The following GPALPP1 variants were observed in gnomAD, a reference collection of about 807,000 sequenced individuals.
GPALPP1 encodes the protein GPALPP motifs-containing protein 1.
GPALPP1 carries 30 observed loss-of-function variants against 38.9 expected under a neutral mutation model. The ratio of observed to expected loss-of-function variants is 0.77; its 90% CI spans 0.58 to 1.05. GPALPP1 has a LOEUF of 1.05. GPALPP1 is among the 50% of genes least tolerant of loss of function. The pLI is 0.00. For missense variants in GPALPP1, 384 were observed against 408.8 expected, an observed-to-expected ratio of 0.94 and a Z score of 0.52; for synonymous variants, 120 against 139.2, an observed-to-expected ratio of 0.86 and a Z score of 0.97.
chr13:45,018,500 C>G (rs886763295), intron 6 of GPALPP1, among the ~76,000 whole-genome samples: 3 of 151,906 alleles, frequency 2.0e-5, no homozygotes, highest in African/African-American at 7.3e-5. Flanking sequence ...TTGACGATAT[C>G]TACTACCTCT....
intron 2 of GPALPP1, 30 bp downstream of exon 2, chr13:45,004,467 A>T (rs1873933476): frequency 6.4e-7 from 1 of 1,556,122 alleles, no homozygotes; most frequent in African/African-American, 1.4e-5. Flanking sequence ...TAAATGATAG[A>T]CCAAACTTCA....
rs1566068355 is a variant in GPALPP1, at chr13:44,989,658, G to A, written c.4G>A (p.Ala2Thr). 1 of 1,612,226 alleles carries A rather than the reference G, an allele frequency of 6.2e-7. No individual in the cohort carries two copies. Among genetic ancestry groups the A allele is most frequent in the Non-Finnish European group, 8.5e-7 (1 of 1,179,172 alleles). The change falls in exon 1 of 8, where the codon GCA becomes ACA. Residue 2 changes from alanine to threonine, a missense_variant. By Grantham distance (58) the Ala-to-Thr change is moderately conservative. Transcript: ENST00000379151. Reference protein sequence around the residue: MARDLIGPALPP... With the variant: MTRDLIGPALPP... ...TGACCAGTGTCCGCCACCGCGGATG[G>A]CAAGAGACCTGATCGGACCGGCCCT... is the stretch of plus-strand genomic sequence containing the variant.
chr13:45,021,671 C>T (rs1875440786), intron 7 of GPALPP1, among the ~76,000 whole-genome samples: 2 of 150,022 alleles, frequency 1.3e-5, no homozygotes, highest in South Asian at 4.2e-4. Context: ...ATCAGAAAAA[C>T]TCAAAATTTA....
At chr13:44,990,058 C>A in intron 1 of GPALPP1, 1 of 513,662 alleles carries the variant, frequency 1.9e-6, no homozygotes, top group South Asian at 3.2e-5. Flanking sequence ...AAACTATTTT[C>A]CCATGTTGCA....
intron 4 of GPALPP1, 161 bp downstream of exon 4, chr13:45,009,040 C>A: frequency 1.4e-6 from 1 of 695,690 alleles, no homozygotes; most frequent in Non-Finnish European, 2.7e-6. Flanking sequence ...AAGATTGTAA[C>A]ATAAGTAGAT....
chr13:45,018,391 TGTC>T (rs1181358693), intron 6 of GPALPP1, among the ~76,000 whole-genome samples: 2 of 146,288 alleles, frequency 1.4e-5, no homozygotes, highest in African/African-American at 5.3e-5. Flanking sequence ...AGCGAGACTC[TGTC>T]TAAAAAAAAA....
intron 7 of GPALPP1, among the ~76,000 whole-genome samples, chr13:45,024,208 T>TGTGTGTG (rs1566084549): frequency 1.1e-4 from 9 of 85,136 alleles, no homozygotes; most frequent in Admixed American, 1.5e-4. Flanking sequence ...TGTGTGTGTG[T>TGTGTGTG]TTTGAGACTG....
intron 1 of GPALPP1, among the ~76,000 whole-genome samples, chr13:45,003,286 T>C (rs1873822046): frequency 6.6e-6 from 1 of 152,252 alleles, no homozygotes; most frequent in Admixed American, 6.5e-5. Flanking sequence ...GTATGTCTCT[T>C]AAAACAATTC....
intron 4 of GPALPP1, among the ~76,000 whole-genome samples, chr13:45,014,666 G>A (rs1874704767): frequency 6.6e-6 from 1 of 152,142 alleles, no homozygotes; most frequent in African/African-American, 2.4e-5. Flanking sequence ...AGAGCTCTAA[G>A]TCTACATCTG....
intron 1 of GPALPP1, among the ~76,000 whole-genome samples, chr13:44,997,689 G>A (rs1176174571): frequency 2.0e-5 from 3 of 151,938 alleles, no homozygotes; most frequent in Non-Finnish European, 2.9e-5. Context: ...CCATCCCTAA[G>A]TACTTCTATC....
chr13:45,024,093 C>G (rs1209565681), intron 7 of GPALPP1, among the ~76,000 whole-genome samples: 1 of 151,302 alleles, frequency 6.6e-6, no homozygotes, highest in Non-Finnish European at 1.5e-5. Context: ...TTCAACCCAT[C>G]AGTGCTGGAG....
intron 6 of GPALPP1, among the ~76,000 whole-genome samples, chr13:45,019,080 TAA>T (rs199736750): frequency 8.1e-6 from 1 of 123,702 alleles, no homozygotes; most frequent in Non-Finnish European, 1.6e-5. Context: ...TATATACATA[TAA>T]ATATATGTAT....
chr13:45,024,190 TGTGTGTGTGTGTGTGTGTTTTGAGA>T (rs1875641273), intron 7 of GPALPP1, among the ~76,000 whole-genome samples: 3 of 136,374 alleles, frequency 2.2e-5, no homozygotes, highest in African/African-American at 8.8e-5. Flanking sequence ...TGTGTGTGTG[TGTGTGTGTGTGTGTGTGTTTTGAGA>T]CTGAGTCTCA....
At chr13:45,004,651 T>C (rs1013841302) in intron 2 of GPALPP1, among the ~76,000 whole-genome samples, 37 of 152,132 alleles carry the variant, frequency 2.4e-4, no homozygotes, top group Non-Finnish European at 4.6e-4. Flanking sequence ...TCAATATATA[T>C]GTATATTTTT....
chr13:44,996,369 AT>A (rs1187759021), intron 1 of GPALPP1, among the ~76,000 whole-genome samples: 1 of 151,620 alleles, frequency 6.6e-6, no homozygotes, highest in African/African-American at 2.4e-5. Context: ...AAAAAAAAAA[AT>A]TCCTTAAGAG....
chr13:44,995,040 G>C (rs186913775), intron 1 of GPALPP1, among the ~76,000 whole-genome samples: 1 of 151,830 alleles, frequency 6.6e-6, no homozygotes, highest in African/African-American at 2.4e-5. Context: ...TTAGTAGAGA[G>C]AGGGTTTCTC....
chr13:45,019,275 A>C (rs1282173435), intron 6 of GPALPP1, among the ~76,000 whole-genome samples: 1 of 151,228 alleles, frequency 6.6e-6, no homozygotes, highest in African/African-American at 2.4e-5. Context: ...AGCCTCCTGA[A>C]TAGCTGGGAC....
At chr13:45,005,526 A>G (rs1360147833) in intron 2 of GPALPP1, among the ~76,000 whole-genome samples, 1 of 152,196 alleles carries the variant, frequency 6.6e-6, no homozygotes, top group Non-Finnish European at 1.5e-5. Context: ...GGAAATAGCA[A>G]CTTAAAACCC....
intron 1 of GPALPP1, among the ~76,000 whole-genome samples, chr13:44,993,976 C>T (rs950972201): frequency 2.0e-5 from 3 of 151,786 alleles, no homozygotes; most frequent in Admixed American, 6.6e-5. Context: ...GTTGTTTACG[C>T]TTGTAATCCC....
Sources: allele counts gnomAD v4.1 joint callset (sites outside exome capture counted in the v4.1 genomes callset), GRCh38; gene constraint gnomAD v4.1.1; transcripts MANE v1.5; gene names NCBI Gene and HGNC (gene_info 2026-07-23, HGNC 2026-07-21).